Variants in PTPRT observed in about 807,000 individuals in gnomAD.
PTPRT encodes the protein receptor-type tyrosine-protein phosphatase T.
In PTPRT, 56 loss-of-function variants were observed where a neutral mutation model predicts 176.8. The observed-to-expected ratio is 0.32, with a 90% confidence interval of 0.26 to 0.40. The LOEUF is 0.40. Among genes scored for constraint, PTPRT ranks in the 10% least tolerant of loss-of-function variants. PTPRT has a pLI of 1.00. For synonymous variants in PTPRT, 783 were observed against 739.0 expected (o/e 1.06, Z -0.96); for missense variants, 1,540 against 1,908.2 (o/e 0.81, Z 3.60).
chr20:42,220,111 T>C (rs1276642634), intron 15 of PTPRT, among the ~76,000 whole-genome samples: 1 of 152,068 alleles, frequency 6.6e-6, no homozygotes, highest in African/African-American at 2.4e-5. Context: ...AATTAGAATC[T>C]GAATTTTCAT....
Position 42,940,959 on chromosome 20 carries a change from G to A in PTPRT, c.89-55027C>T, listed in dbSNP as rs541598161. Among the ~76,000 whole-genome samples, 11 of 152,064 alleles carry A rather than the reference G, an allele frequency of 7.2e-5. No individual in the cohort carries two copies. The East Asian group carries it at 1.7e-3, about 24-fold the overall frequency. On this transcript the variant is annotated intron_variant, in intron 1 of 30. Coordinates refer to ENST00000373187, the MANE Select transcript of PTPRT (RefSeq NM_007050.6). Reference sequence around the variant, plus strand: ...TAGCAGGATATGGTGGCGCGCGCCTGTAGTCCCAGCTACTCAGGAGGCTGA... The same window carrying A: ...TAGCAGGATATGGTGGCGCGCGCCTATAGTCCCAGCTACTCAGGAGGCTGA...
intron 7 of PTPRT, among the ~76,000 whole-genome samples, chr20:42,505,761 G>A (rs2071833292): frequency 6.6e-6 from 1 of 152,112 alleles, no homozygotes; most frequent in Non-Finnish European, 1.5e-5. Flanking sequence ...TGCAAATCAA[G>A]CTGTGGCTAT....
chr20:42,715,167 C>T (rs568079970), intron 6 of PTPRT, among the ~76,000 whole-genome samples: 4 of 152,258 alleles, frequency 2.6e-5, no homozygotes, highest in South Asian at 2.1e-4. Flanking sequence ...CAGAAGGACA[C>T]GCCGGTAATT....
chr20:42,987,230 GC>G (rs1021765903), intron 1 of PTPRT, among the ~76,000 whole-genome samples: 2 of 152,148 alleles, frequency 1.3e-5, no homozygotes, highest in Admixed American at 1.3e-4. Context: ...TCCCCCAGCT[GC>G]CCTTGCACTT....
chr20:42,248,660 G>A, intron 14 of PTPRT, 27 bp downstream of exon 14: 4 of 1,612,650 alleles, frequency 2.5e-6, no homozygotes, highest in Non-Finnish European at 3.4e-6. Flanking sequence ...GGTCAGCAGA[G>A]TCTTGCAGGC....
chr20:43,098,248 G>A (rs933382083), intron 1 of PTPRT, among the ~76,000 whole-genome samples: 9 of 152,204 alleles, frequency 5.9e-5, no homozygotes, highest in African/African-American at 2.2e-4. Context: ...AAGCCATGAA[G>A]CAGCAGCACA....
intron 9 of PTPRT, among the ~76,000 whole-genome samples, chr20:42,366,533 CCAGTT>C: frequency 6.6e-6 from 1 of 152,200 alleles, no homozygotes; most frequent in Non-Finnish European, 1.5e-5. Flanking sequence ...CCCTCTCTGT[CCAGTT>C]CTTCTTCTGT....
intron 1 of PTPRT, among the ~76,000 whole-genome samples, chr20:42,995,619 C>G (rs999499604): frequency 2.0e-5 from 3 of 152,106 alleles, no homozygotes; most frequent in African/African-American, 7.2e-5. Flanking sequence ...CAGGCCTTTC[C>G]GAGTCTTCCC....
chr20:42,213,433 G>A (rs2055693817), intron 15 of PTPRT, among the ~76,000 whole-genome samples: 1 of 152,038 alleles, frequency 6.6e-6, no homozygotes. Flanking sequence ...TAAGAATCAT[G>A]GCAACAACTG....
chr20:42,137,591 GC>G (rs1280807157), intron 18 of PTPRT, among the ~76,000 whole-genome samples: 2 of 152,180 alleles, frequency 1.3e-5, no homozygotes, highest in Non-Finnish European at 2.9e-5. Flanking sequence ...CTTGCTGTGT[GC>G]TCTCGGGCAG....
intron 7 of PTPRT, among the ~76,000 whole-genome samples, chr20:42,541,145 A>G (rs1382447114): frequency 6.6e-6 from 1 of 152,214 alleles, no homozygotes; most frequent in Non-Finnish European, 1.5e-5. Flanking sequence ...ATATAAAAAA[A>G]TATACAATGT....
chr20:42,783,562 T>A (rs960977444), intron 3 of PTPRT, among the ~76,000 whole-genome samples: 1 of 152,100 alleles, frequency 6.6e-6, no homozygotes, highest in Non-Finnish European at 1.5e-5. Flanking sequence ...TCCATCAATA[T>A]GCTTCTGACG....
chr20:42,591,975 C>CTTTTTT (rs71335866), intron 7 of PTPRT, among the ~76,000 whole-genome samples: 18 of 102,372 alleles, frequency 1.8e-4, no homozygotes, highest in Admixed American at 3.2e-4. Context: ...GCTGGAGATT[C>CTTTTTT]TTTTTTTTTT....
At chr20:42,653,484 C>G (rs1266857028) in intron 7 of PTPRT, among the ~76,000 whole-genome samples, 1 of 152,152 alleles carries the variant, frequency 6.6e-6, no homozygotes, top group East Asian at 1.9e-4. Flanking sequence ...GGTAGATGAT[C>G]TTGCAATCAT....
At chr20:42,623,593 C>A (rs1433202837) in intron 7 of PTPRT, among the ~76,000 whole-genome samples, 1 of 152,158 alleles carries the variant, frequency 6.6e-6, no homozygotes, top group Non-Finnish European at 1.5e-5. Flanking sequence ...ATGTGAGAGG[C>A]CTGAGGGACA....
intron 1 of PTPRT, among the ~76,000 whole-genome samples, chr20:43,091,010 C>A (rs770157718): frequency 6.6e-6 from 1 of 152,156 alleles, no homozygotes; most frequent in Non-Finnish European, 1.5e-5. Flanking sequence ...GCGGGCAGAT[C>A]ACTTGAGGTC....
intron 9 of PTPRT, among the ~76,000 whole-genome samples, chr20:42,365,660 A>C (rs80036110): frequency 7.4e-5 from 11 of 148,732 alleles, no homozygotes; most frequent in African/African-American, 1.5e-4. Flanking sequence ...CTGATGAGAC[A>C]AAAAAAAAAT....
chr20:42,089,655 A>G (rs539783899), intron 27 of PTPRT, among the ~76,000 whole-genome samples: 71 of 152,082 alleles, frequency 4.7e-4, no homozygotes, highest in African/African-American at 1.7e-3. Flanking sequence ...AATCAGAGTC[A>G]TCCTTTCACT....
chr20:42,901,689 C>T (rs1160511024), intron 1 of PTPRT, among the ~76,000 whole-genome samples: 1 of 152,080 alleles, frequency 6.6e-6, no homozygotes, highest in Non-Finnish European at 1.5e-5. Context: ...CCCCACAAGA[C>T]CCCCATGGGC....
Sources: gnomAD v4.1 joint callset for allele counts (sites outside exome capture counted in the v4.1 genomes callset) on GRCh38, gnomAD v4.1.1 for gene constraint, MANE v1.5 for transcripts, NCBI Gene and HGNC (gene_info 2026-07-23, HGNC 2026-07-21) for gene names.